Variants in C4orf51 observed in about 807,000 individuals in gnomAD.
C4orf51 encodes chromosome 4 open reading frame 51.
Under a neutral mutation model 25.2 loss-of-function variants are expected in C4orf51, and 25 were observed. That is an observed-to-expected ratio of 0.99 (90% CI 0.72 to 1.39). The LOEUF (loss-of-function observed/expected upper bound fraction) is 1.39. Ranked by LOEUF, C4orf51 falls within the 40% of genes most tolerant of loss-of-function variation. The probability of loss-of-function intolerance (pLI) is 0.00; values close to 1 mark genes in which losing one functional copy is unlikely to be tolerated. For synonymous variants in C4orf51, 100 were observed against 84.5 expected (o/e 1.18, Z -1.01); for missense variants, 252 against 239.6 (o/e 1.05, Z -0.34).
chr4:145,737,882 C>T (rs1732887217), intron 1 of C4orf51, among the ~76,000 whole-genome samples: 1 of 152,082 alleles, frequency 6.6e-6, no homozygotes. Flanking sequence ...GTTTATCCTG[C>T]TTGGTAATGA....
intron 2 of C4orf51, among the ~76,000 whole-genome samples, chr4:145,717,072 C>T (rs868693366): frequency 2.0e-5 from 3 of 152,096 alleles, no homozygotes; most frequent in East Asian, 3.9e-4. Context: ...GCACAAAGTA[C>T]AATTCTATTA....
chr4:145,749,065 G>GTATATATATATA (rs70956871), intron 1 of C4orf51, among the ~76,000 whole-genome samples: 1 of 116,112 alleles, frequency 8.6e-6, no homozygotes, highest in Non-Finnish European at 1.7e-5. Flanking sequence ...GTGTGTGTGT[G>GTATATATATATA]TATATATATA....
intron 1 of C4orf51, among the ~76,000 whole-genome samples, chr4:145,770,255 C>T (rs1057312118): frequency 7.2e-5 from 11 of 151,826 alleles, no homozygotes; most frequent in African/African-American, 1.7e-4. Context: ...GCCAAGATCA[C>T]GCCACTTCAC....
chr4:145,764,335 T>C (rs1456608727), intron 1 of C4orf51, among the ~76,000 whole-genome samples: 1 of 152,182 alleles, frequency 6.6e-6, no homozygotes, highest in Admixed American at 6.5e-5. Context: ...CCTGTGTGCC[T>C]GTTGGCACCT....
At chr4:145,748,152 C>T (rs1157622741) in intron 1 of C4orf51, among the ~76,000 whole-genome samples, 1 of 151,946 alleles carries the variant, frequency 6.6e-6, no homozygotes, top group East Asian at 1.9e-4. Context: ...TCCATTTCTT[C>T]TGGATTTTCC....
At chr4:145,747,236 A>G (rs898863687) in intron 1 of C4orf51, among the ~76,000 whole-genome samples, 1 of 152,098 alleles carries the variant, frequency 6.6e-6, no homozygotes, top group Non-Finnish European at 1.5e-5. Flanking sequence ...ACTATGTTGA[A>G]TAACAGTGGT....
chr4:145,739,715 C>T (rs1351900688), intron 1 of C4orf51, among the ~76,000 whole-genome samples: 2 of 152,210 alleles, frequency 1.3e-5, no homozygotes, highest in African/African-American at 4.8e-5. Context: ...TTTTCCTCTA[C>T]TTCTAATATC....
intron 2 of C4orf51, among the ~76,000 whole-genome samples, chr4:145,713,610 T>C (rs923905051): frequency 6.6e-6 from 1 of 152,230 alleles, no homozygotes; most frequent in Non-Finnish European, 1.5e-5. Flanking sequence ...AACTGATTCC[T>C]TGAAATGGAA....
chr4:145,750,412 G>GTTTT (rs55700691), intron 1 of C4orf51, among the ~76,000 whole-genome samples: 2 of 108,134 alleles, frequency 1.8e-5, no homozygotes, highest in African/African-American at 3.6e-5. Flanking sequence ...TAGGGTAAAA[G>GTTTT]TTTTTTTTTT....
intron 2 of C4orf51, among the ~76,000 whole-genome samples, chr4:145,726,461 G>T (rs1732063250): frequency 6.6e-6 from 1 of 152,132 alleles, no homozygotes; most frequent in African/African-American, 2.4e-5. Context: ...AGAGTGCAGT[G>T]TGCAATCATG....
intron 2 of C4orf51, among the ~76,000 whole-genome samples, chr4:145,698,982 G>C (rs936050997): frequency 2.0e-5 from 3 of 151,694 alleles, no homozygotes; most frequent in Non-Finnish European, 4.4e-5. Context: ...GTAAATGGCC[G>C]GTCCTTGCCT....
the C4orf51 span, among the ~76,000 whole-genome samples, chr4:145,781,467 C>T: frequency 4.9e-3 from 739 of 152,182 alleles, 17 homozygotes; most frequent in Admixed American, 0.038. Flanking sequence ...CAATAATGTT[C>T]GCTGTGAGGC....
intron 2 of C4orf51, among the ~76,000 whole-genome samples, chr4:145,704,114 G>A (rs113285689): frequency 0.011 from 1,652 of 152,336 alleles, 24 homozygotes; most frequent in African/African-American, 0.037. Context: ...TAGAGAGAGA[G>A]AAATGAGGAG....
At chr4:145,699,036 T>C (rs12509412) in intron 2 of C4orf51, among the ~76,000 whole-genome samples, 87,301 of 149,818 alleles carry the variant, frequency 0.58, 25,919 homozygotes, top group African/African-American at 0.69. Flanking sequence ...CCTGGCTCAT[T>C]CTGGCTCAAA....
the C4orf51 span, among the ~76,000 whole-genome samples, chr4:145,790,176 T>C: frequency 6.6e-6 from 1 of 152,200 alleles, no homozygotes; most frequent in African/African-American, 2.4e-5. Flanking sequence ...TCAAAAGTTA[T>C]CTTCTATAAT....
chr4:145,731,834 G>A (rs1732499584), intron 5 of C4orf51, among the ~76,000 whole-genome samples: 1 of 151,396 alleles, frequency 6.6e-6, no homozygotes, highest in African/African-American at 2.4e-5. Context: ...TGCCCACCTC[G>A]GCCTCCCAAA....
chr4:145,736,561 C>G (rs1732815663), downstream of C4orf51, among the ~76,000 whole-genome samples: 1 of 152,154 alleles, frequency 6.6e-6, no homozygotes, highest in Admixed American at 6.5e-5. Context: ...CTCTGGCTTC[C>G]TGGCTTTCGA....
chr4:145,713,487 G>A (rs1488044428), intron 2 of C4orf51, among the ~76,000 whole-genome samples: 1 of 152,238 alleles, frequency 6.6e-6, no homozygotes, highest in Non-Finnish European at 1.5e-5. Context: ...AGATGGGATA[G>A]AAGTAGCAAG....
Position 145,729,891 on chromosome 4 carries a change from G to T in C4orf51, c.428-1G>T, listed in dbSNP as rs1177222047. On this transcript the variant is annotated splice_acceptor_variant, in intron 4 of 5. Transcript: ENST00000438731. LOFTEE classifies it high-confidence loss of function. ...ACACATTGGCTATCTCTTCACCCTAGGTGTGAGACCTAAAAAGCCAGCACA... is the reference window on the plus strand; with the variant it reads ...ACACATTGGCTATCTCTTCACCCTATGTGTGAGACCTAAAAAGCCAGCACA... 1 of 1,613,152 alleles carries T rather than the reference G, an allele frequency of 6.2e-7. No homozygotes were observed. Among genetic ancestry groups the T allele is most frequent in the South Asian group, 1.1e-5 (1 of 91,062 alleles).
Sources: allele counts gnomAD v4.1 joint callset (sites outside exome capture counted in the v4.1 genomes callset), GRCh38; gene constraint gnomAD v4.1.1; transcripts MANE v1.5; gene names NCBI Gene and HGNC (gene_info 2026-07-23, HGNC 2026-07-21).